The following FAP variants were observed in gnomAD, a reference collection of about 807,000 sequenced individuals.
FAP encodes the protein fibroblast activation protein alpha.
Under a neutral mutation model 126.5 loss-of-function variants are expected in FAP, and 110 were observed. The observed-to-expected ratio is 0.87, with a 90% CI of 0.74 to 1.02. The LOEUF is 1.02. Among genes scored for constraint, FAP ranks in the 50% least tolerant of loss-of-function variants. FAP has a pLI of 0.00. For synonymous variants in FAP, 334 were observed against 297.3 expected (o/e 1.12, Z -1.27); for missense variants, 919 against 909.2 (o/e 1.01, Z -0.14).
chr2:162,239,107 C>G (rs1690249510), intron 2 of FAP, among the ~76,000 whole-genome samples: 1 of 152,088 alleles, frequency 6.6e-6, no homozygotes, highest in Admixed American at 6.6e-5. Flanking sequence ...CTGTCAGTTT[C>G]CTTTTGGTTT....
chr2:162,207,100 T>C (rs1254561289), intron 12 of FAP, among the ~76,000 whole-genome samples: 1 of 152,178 alleles, frequency 6.6e-6, no homozygotes, highest in Non-Finnish European at 1.5e-5. Context: ...TACATACACA[T>C]TTCTAGTTTT....
intron 25 of FAP, chr2:162,171,674 G>GT (rs1164267075): frequency 1.1e-4 from 16 of 152,102 alleles, no homozygotes; most frequent in African/African-American, 3.9e-4. Context: ...CTGAATAAAG[G>GT]TATCAGTGGT....
At chr2:162,182,082 G>A (rs989827243) in intron 21 of FAP, among the ~76,000 whole-genome samples, 5 of 152,204 alleles carry the variant, frequency 3.3e-5, no homozygotes, top group Non-Finnish European at 5.9e-5. Context: ...CCAACTAGAT[G>A]TGGTGAGAAT....
intron 21 of FAP, 86 bp from the exon 22 acceptor site, chr2:162,175,052 G>T: frequency 1.1e-6 from 1 of 893,472 alleles, no homozygotes; most frequent in Non-Finnish European, 1.8e-6. Context: ...CTCACAATCC[G>T]GACTGAAGGG....
rs112293357 is a variant in FAP, at chr2:162,209,050, A to G, written c.1047+902T>C. ...GAGTTTTTAATATTTGAAGATTATC[A>G]CTTTACAGTTTATCTTCTTCCCAGC... On this transcript the variant is annotated intron_variant, in intron 12 of 25. Coordinates refer to ENST00000188790, the MANE Select transcript of FAP (RefSeq NM_004460.5). Among the ~76,000 whole-genome samples, 748 of 152,178 alleles carry G rather than the reference A, an allele frequency of 4.9e-3. 4 individuals are homozygous for G. The highest frequency in any genetic ancestry group is 0.017 in the African/African-American group (704 of 41,548).
At chr2:162,173,915 T>C (rs1687399109) in intron 22 of FAP, 128 bp from the exon 23 acceptor site, 1 of 701,254 alleles carries the variant, frequency 1.4e-6, no homozygotes, top group East Asian at 2.5e-5. Flanking sequence ...AAATTCTTGC[T>C]TTACTTTGCT....
intron 23 of FAP, 148 bp downstream of exon 23, chr2:162,173,574 AC>A: frequency 1.6e-6 from 1 of 643,676 alleles, no homozygotes. Flanking sequence ...AAGGAGTAAA[AC>A]CCTTTCTAGT....
chr2:162,181,637 T>G (rs1687699207), intron 21 of FAP, among the ~76,000 whole-genome samples: 1 of 152,196 alleles, frequency 6.6e-6, no homozygotes, highest in East Asian at 1.9e-4. Flanking sequence ...TATCCACTCT[T>G]GTCCCCCTGT....
intron 2 of FAP, among the ~76,000 whole-genome samples, chr2:162,231,549 A>G (rs1689903109): frequency 6.6e-6 from 1 of 152,192 alleles, no homozygotes; most frequent in Admixed American, 6.5e-5. Context: ...TCTTTAGTAT[A>G]GTTACTCATA....
intron 20 of FAP, among the ~76,000 whole-genome samples, chr2:162,186,022 TG>T (rs1687857120): frequency 6.6e-6 from 1 of 152,152 alleles, no homozygotes; most frequent in South Asian, 2.1e-4. Context: ...TTATAGACTT[TG>T]CATGGGGCCA....
At chr2:162,202,800 G>A (rs1688546634) in intron 14 of FAP, 72 bp downstream of exon 14, 1 of 1,097,332 alleles carries the variant, frequency 9.1e-7, no homozygotes. Flanking sequence ...AAGAGAGTTG[G>A]TACAGTATCA....
intron 3 of FAP, 121 bp from the exon 4 acceptor site, chr2:162,225,698 T>TCACAAAGCAATATGTAC: frequency 2.1e-6 from 2 of 974,506 alleles, no homozygotes; most frequent in African/African-American, 1.7e-5. Context: ...CCAGTACATA[T>TCACAAAGCAATATGTAC]TGCTTTGTGA....
At chr2:162,192,131 T>C (rs1688070257) in intron 17 of FAP, among the ~76,000 whole-genome samples, 1 of 152,126 alleles carries the variant, frequency 6.6e-6, no homozygotes, top group South Asian at 2.1e-4. Flanking sequence ...ATCAATCTTT[T>C]ACAGCCATCG....
intron 12 of FAP, among the ~76,000 whole-genome samples, chr2:162,205,853 G>A (rs1210931287): frequency 2.6e-5 from 4 of 152,034 alleles, no homozygotes; most frequent in African/African-American, 9.7e-5. Flanking sequence ...ACAAAAATTG[G>A]TTCTACATTG....
At chr2:162,215,179 C>A (rs1689116435) in intron 10 of FAP, among the ~76,000 whole-genome samples, 1 of 152,180 alleles carries the variant, frequency 6.6e-6, no homozygotes, top group East Asian at 1.9e-4. Flanking sequence ...GTTCTTTTCC[C>A]TATTAGTGAT....
chr2:162,207,405 T>C (rs1340069612), intron 12 of FAP, among the ~76,000 whole-genome samples: 1 of 152,206 alleles, frequency 6.6e-6, no homozygotes, highest in African/African-American at 2.4e-5. Flanking sequence ...GATTAGTACA[T>C]AAAAATAAGT....
At chr2:162,221,890 T>C (rs1240594631) in intron 6 of FAP, among the ~76,000 whole-genome samples, 1 of 152,140 alleles carries the variant, frequency 6.6e-6, no homozygotes, top group Non-Finnish European at 1.5e-5. Context: ...TATTCAGCGA[T>C]GCCTAGAATC....
At chr2:162,206,920 CT>C (rs1020251824) in intron 12 of FAP, among the ~76,000 whole-genome samples, 1 of 152,162 alleles carries the variant, frequency 6.6e-6, no homozygotes, top group Non-Finnish European at 1.5e-5. Context: ...TTTAATCTCC[CT>C]TTTCTAATTC....
intron 2 of FAP, among the ~76,000 whole-genome samples, chr2:162,232,644 A>G (rs1434805560): frequency 6.6e-6 from 1 of 152,150 alleles, no homozygotes; most frequent in Non-Finnish European, 1.5e-5. Flanking sequence ...TCTAACAGCA[A>G]TTTTCCATGG....
Sources: gnomAD v4.1 joint callset for allele counts (sites outside exome capture counted in the v4.1 genomes callset) on GRCh38, gnomAD v4.1.1 for gene constraint, MANE v1.5 for transcripts, NCBI Gene and HGNC (gene_info 2026-07-23, HGNC 2026-07-21) for gene names.